VSTM5: variants seen among roughly 807,000 people sequenced by gnomAD.
The protein encoded by VSTM5 is V-set and transmembrane domain-containing protein 5.
Under a neutral mutation model 20.3 loss-of-function variants are expected in VSTM5, and 21 were observed. The observed-to-expected ratio is 1.03, with a 90% CI of 0.73 to 1.49. VSTM5 has a LOEUF of 1.49. VSTM5 is among the 40% of genes most tolerant of loss of function. The pLI is 0.00. For missense variants in VSTM5, 219 were observed against 250.0 expected, an observed-to-expected ratio of 0.88 and a Z score of 0.84; for synonymous variants, 100 against 102.5, an observed-to-expected ratio of 0.98 and a Z score of 0.14.
intron 1 of VSTM5, among the ~76,000 whole-genome samples, chr11:93,833,233 C>T (rs529342295): frequency 7.9e-5 from 12 of 152,304 alleles, no homozygotes; most frequent in Middle Eastern, 3.4e-3. Context: ...TATTCAAAGT[C>T]AATTTTACCT....
At chr11:93,829,876 G>A (rs772136263) in intron 1 of VSTM5, among the ~76,000 whole-genome samples, 20 of 152,206 alleles carry the variant, frequency 1.3e-4, no homozygotes, top group Non-Finnish European at 1.8e-4. Context: ...GTAAGTGGCT[G>A]AGCAGAGATT....
chr11:93,840,681 A>T (rs1944363373), intron 1 of VSTM5, among the ~76,000 whole-genome samples: 1 of 152,122 alleles, frequency 6.6e-6, no homozygotes, highest in Admixed American at 6.5e-5. Flanking sequence ...CCCCCTTCAA[A>T]ACTCTAACAC....
chr11:93,836,674 T>C (rs902762764), intron 1 of VSTM5, among the ~76,000 whole-genome samples: 2 of 152,232 alleles, frequency 1.3e-5, no homozygotes, highest in Non-Finnish European at 2.9e-5. Flanking sequence ...TTCATAGCAC[T>C]TTTCCATCAT....
chr11:93,829,353 C>G (rs1436396881), intron 1 of VSTM5, among the ~76,000 whole-genome samples: 1 of 152,040 alleles, frequency 6.6e-6, no homozygotes, highest in Non-Finnish European at 1.5e-5. Flanking sequence ...ATGGTGAAAC[C>G]CTGTCTCTAC....
At chr11:93,834,477 G>A (rs1477821463) in intron 1 of VSTM5, among the ~76,000 whole-genome samples, 1 of 152,020 alleles carries the variant, frequency 6.6e-6, no homozygotes, top group Non-Finnish European at 1.5e-5. Flanking sequence ...CAGAACTCAT[G>A]TTGAAACTTA....
At position 93,850,523 on chromosome 11, in the gene VSTM5, G is replaced by C. The variant is rs1346221770; in HGVS notation, c.-21C>G. 6.5e-7 allele frequency: 1 copy of C among 1,540,584 alleles called. No homozygotes were observed. The highest frequency in any genetic ancestry group is 2.0e-5 in the Admixed American group (1 of 50,578). ...CTCATGGGCGAGCCCGGGGCCTCGC[G>C]GGCCGGGGTGTGTGCTGGCCGCACC... On this transcript the variant is annotated 5_prime_UTR_variant, in exon 1 of 4. Transcript: ENST00000409977.
intron 1 of VSTM5, among the ~76,000 whole-genome samples, chr11:93,825,917 C>G (rs1470107540): frequency 6.7e-6 from 1 of 150,042 alleles, no homozygotes; most frequent in Admixed American, 6.6e-5. Flanking sequence ...AAAAGATGTA[C>G]AAAACTAAGA....
intron 1 of VSTM5, among the ~76,000 whole-genome samples, chr11:93,840,749 T>C (rs1041941239): frequency 6.6e-6 from 1 of 152,114 alleles, no homozygotes; most frequent in Non-Finnish European, 1.5e-5. Flanking sequence ...CGGAACTAGA[T>C]TGCAGGGCCC....
chr11:93,820,968 G>A, intron 2 of VSTM5, 29 bp downstream of exon 2: 1 of 1,550,998 alleles, frequency 6.4e-7, no homozygotes, highest in Admixed American at 2.0e-5. Flanking sequence ...ACAGTTCAGA[G>A]GGGTGCCCGG....
At chr11:93,820,633 A>G in intron 3 of VSTM5, 21 bp from the exon 4 acceptor site, 1 of 1,551,804 alleles carries the variant, frequency 6.4e-7, no homozygotes, top group Non-Finnish European at 8.7e-7. Flanking sequence ...AAGACAAGTC[A>G]ATGAGTTGGA....
At chr11:93,847,763 C>A (rs1944425918) in intron 1 of VSTM5, among the ~76,000 whole-genome samples, 1 of 152,230 alleles carries the variant, frequency 6.6e-6, no homozygotes, top group African/African-American at 2.4e-5. Flanking sequence ...CCCATAAGTC[C>A]TTGTCCTAGT....
At chr11:93,835,067 C>T (rs984895310) in intron 1 of VSTM5, among the ~76,000 whole-genome samples, 1 of 152,114 alleles carries the variant, frequency 6.6e-6, no homozygotes, top group Admixed American at 6.5e-5. Flanking sequence ...GTCTCACCAG[C>T]AAAAAGGTCC....
Position 93,820,480 on chromosome 11 carries a change from A to T in VSTM5, c.*89T>A. 7.0e-7 allele frequency: 1 copy of T among 1,433,660 alleles called. No homozygotes were observed. Among genetic ancestry groups the T allele is most frequent in the South Asian group, 1.3e-5 (1 of 78,952 alleles). 88.8% of individuals were successfully genotyped at this position (1,433,660 alleles called of 1,614,324 possible). Reference sequence around the variant, plus strand: ...GTTAGGAGCGGGCTGCAACAGGACCACACACAATGGGTATAATAGCTGTGC... The same window carrying T: ...GTTAGGAGCGGGCTGCAACAGGACCTCACACAATGGGTATAATAGCTGTGC... On this transcript the variant is annotated 3_prime_UTR_variant, in exon 4 of 4. Transcript: ENST00000409977.
rs1944176484 is a variant in VSTM5, at chr11:93,820,874, T to C, written c.428A>G (p.Tyr143Cys). 11 of 1,550,750 alleles carry C rather than the reference T, an allele frequency of 7.1e-6. No individual in the cohort carries two copies. Among genetic ancestry groups the C allele is most frequent in the African/African-American group, 2.7e-5 (2 of 73,158 alleles). ...GACAGCGACAAAGTGCAGGTCTTCA[T>C]AGAGGATCTCTATGGAGTGAGGGTG... ...TIVLHVSEILYEDLHFVAVIL... is the reference protein window; with the variant it reads ...TIVLHVSEILCEDLHFVAVIL... The change falls in exon 3 of 4, where the codon TAT becomes TGT. Residue 143 changes from tyrosine (Y) to cysteine (C), a missense_variant. Coordinates refer to ENST00000409977, the MANE Select transcript of VSTM5 (RefSeq NM_001144871.2).
Position 93,844,867 on chromosome 11 carries a change from C to T in VSTM5, c.91+5545G>A, listed in dbSNP as rs1213706957. Among the ~76,000 whole-genome samples, 4 of 66,748 alleles carry T rather than the reference C, an allele frequency of 6.0e-5. 1 individual carries two copies. The highest frequency in any genetic ancestry group is 1.3e-4 in the Non-Finnish European group (4 of 30,894). The allele number at this position is 66,748 out of a possible 152,430, so 43.8% of individuals were successfully genotyped here. On this transcript the variant is annotated intron_variant, in intron 1 of 3. Coordinates refer to ENST00000409977, the MANE Select transcript of VSTM5 (RefSeq NM_001144871.2). ...CTACCCCAGCTCTTGGCAAGCTGTT[C>T]CAGGCACAGTGCGTGCTCAGGAACC...
intron 1 of VSTM5, among the ~76,000 whole-genome samples, chr11:93,825,022 C>T (rs908649610): frequency 3.3e-5 from 5 of 152,164 alleles, no homozygotes; most frequent in African/African-American, 1.2e-4. Context: ...GATCTATGTA[C>T]CTGTTTTTAT....
rs1403626742 is a variant in VSTM5 at position 93,818,279 on chromosome 11, C to A, written c.*2290G>T. The A allele has an allele frequency of 1.3e-5, 2 of 151,018 alleles. No homozygotes were observed. Among genetic ancestry groups the A allele is most frequent in the African/African-American group, 4.9e-5 (2 of 41,060 alleles). 9.4% of individuals were successfully genotyped at this position (151,018 alleles called of 1,614,324 possible). On this transcript the variant is annotated 3_prime_UTR_variant, in exon 4 of 4. Coordinates refer to ENST00000409977, the MANE Select transcript of VSTM5 (RefSeq NM_001144871.2). Reference sequence around the variant, plus strand: ...TTCATTCTTTAAAACTTTTTTTTTTCACAGTTTGAAATATAATTTATAGCT... The same window carrying A: ...TTCATTCTTTAAAACTTTTTTTTTTAACAGTTTGAAATATAATTTATAGCT...
intron 1 of VSTM5, among the ~76,000 whole-genome samples, chr11:93,843,208 C>T (rs1358614934): frequency 6.6e-6 from 1 of 152,142 alleles, no homozygotes; most frequent in Non-Finnish European, 1.5e-5. Context: ...TCTGTTTAAA[C>T]ATCATTTCCT....
chr11:93,841,251 C>G (rs367588331), intron 1 of VSTM5, among the ~76,000 whole-genome samples: 1 of 21,242 alleles, frequency 4.7e-5, no homozygotes, highest in Non-Finnish European at 8.6e-4. Flanking sequence ...ACAGGGACTT[C>G]AAAAGAGTAC....
Sources: gnomAD v4.1 joint callset for allele counts (sites outside exome capture counted in the v4.1 genomes callset) on GRCh38, gnomAD v4.1.1 for gene constraint, MANE v1.5 for transcripts, NCBI Gene and HGNC (gene_info 2026-07-23, HGNC 2026-07-21) for gene names.